The following PCDH15 variants were observed in gnomAD, a reference collection of about 807,000 sequenced individuals.
PCDH15 encodes protocadherin-15.
In PCDH15, 129 loss-of-function variants were observed where a neutral mutation model predicts 178.5. The ratio of observed to expected loss-of-function variants is 0.72; its 90% CI spans 0.63 to 0.84. PCDH15 has a LOEUF of 0.84. Among genes scored for constraint, PCDH15 ranks in the 40% least tolerant of loss-of-function variants. PCDH15 has a pLI of 0.00. For missense variants in PCDH15, 2,230 were observed against 2,099.9 expected (o/e 1.06, Z -1.21); for synonymous variants, 800 against 732.0 (o/e 1.09, Z -1.50).
chr10:55,265,626 T>C (rs1364577494), intron 1 of PCDH15, among the ~76,000 whole-genome samples: 1 of 152,112 alleles, frequency 6.6e-6, no homozygotes, highest in Non-Finnish European at 1.5e-5. Context: ...TTCAGGTGTT[T>C]ATAATGGAGG....
intron 2 of PCDH15, among the ~76,000 whole-genome samples, chr10:55,398,317 A>C (rs1402257245): frequency 2.0e-5 from 3 of 152,146 alleles, no homozygotes; most frequent in African/African-American, 7.2e-5. Flanking sequence ...TAAAGTATTC[A>C]ATTTCATCAT....
chr10:54,486,505 T>C (rs1394043860), intron 3 of PCDH15, among the ~76,000 whole-genome samples: 1 of 152,036 alleles, frequency 6.6e-6, no homozygotes, highest in Non-Finnish European at 1.5e-5. Flanking sequence ...TTAGATCTAT[T>C]AATTTCACAT....
At chr10:55,599,560 G>C (rs567169114) in intron 2 of PCDH15, 1 of 158,330 alleles carries the variant, frequency 6.3e-6, no homozygotes, top group East Asian at 1.8e-4. Flanking sequence ...TTCAGTAGAA[G>C]CAATAATGTT....
chr10:54,631,430 A>C (rs1190548586), intron 2 of PCDH15, among the ~76,000 whole-genome samples: 1 of 152,114 alleles, frequency 6.6e-6, no homozygotes, highest in Non-Finnish European at 1.5e-5. Flanking sequence ...GGCTGTGGAG[A>C]AAAGGGAATG....
chr10:54,034,057 C>A (rs2093361666), intron 18 of PCDH15, among the ~76,000 whole-genome samples: 2 of 151,808 alleles, frequency 1.3e-5, no homozygotes, highest in African/African-American at 4.8e-5. Context: ...AAGAATGTGA[C>A]AGCCAGATTG....
At chr10:53,930,355 G>C (rs1014740303) in intron 25 of PCDH15, among the ~76,000 whole-genome samples, 1 of 149,892 alleles carries the variant, frequency 6.7e-6, no homozygotes, top group Non-Finnish European at 1.5e-5. Context: ...CTACTCGGGA[G>C]GCTGAGGCAG....
intron 2 of PCDH15, among the ~76,000 whole-genome samples, chr10:55,519,460 A>G (rs2132161934): frequency 6.6e-6 from 1 of 152,062 alleles, no homozygotes; most frequent in African/African-American, 2.4e-5. Context: ...GGCAAGATAC[A>G]CGACCCCTGT....
chr10:55,582,489 C>T (rs1842633490), intron 2 of PCDH15, among the ~76,000 whole-genome samples: 1 of 150,944 alleles, frequency 6.6e-6, no homozygotes, highest in Non-Finnish European at 1.5e-5. Flanking sequence ...TGTGCCTTAC[C>T]TTGCATATGT....
At chr10:54,204,203 A>G (rs1281744250) in intron 10 of PCDH15, among the ~76,000 whole-genome samples, 1 of 152,126 alleles carries the variant, frequency 6.6e-6, no homozygotes, top group African/African-American at 2.4e-5. Context: ...CAGACAATTC[A>G]TTGCCATTGA....
At chr10:55,225,181 A>C (rs553318258) in intron 1 of PCDH15, among the ~76,000 whole-genome samples, 1 of 152,146 alleles carries the variant, frequency 6.6e-6, no homozygotes, top group African/African-American at 2.4e-5. Flanking sequence ...AACACTTAGT[A>C]ACAAAAGTAC....
At chr10:54,309,415 A>G (rs982532143) in intron 8 of PCDH15, among the ~76,000 whole-genome samples, 5 of 151,976 alleles carry the variant, frequency 3.3e-5, no homozygotes, top group African/African-American at 9.7e-5. Context: ...GACAAGAGCC[A>G]TGATTATTCA....
intron 10 of PCDH15, among the ~76,000 whole-genome samples, chr10:54,205,481 T>TGTGTGTGTG (rs2050698469): frequency 1.5e-5 from 2 of 135,088 alleles, no homozygotes; most frequent in African/African-American, 2.8e-5. Context: ...TATATTTCCT[T>TGTGTGTGTG]TGTGTGTGTG....
chr10:54,781,380 A>G (rs1162175994), intron 1 of PCDH15, among the ~76,000 whole-genome samples: 1 of 152,054 alleles, frequency 6.6e-6, no homozygotes, highest in Non-Finnish European at 1.5e-5. Context: ...GTACTCACAA[A>G]ATTTAATACA....
At position 54,414,035 on chromosome 10, in the gene PCDH15, C is replaced by T. The variant is rs114273436; in HGVS notation, c.158-35093G>A. ...AATCTCTCAGCCTCTCACTACTACA[C>T]AATATATACATATGACAAAACAACA... On this transcript the variant is annotated intron_variant, in intron 3 of 37. Transcript: ENST00000644397. 6.6e-3 allele frequency among the ~76,000 whole-genome samples: 1,005 copies of T among 152,190 alleles called. 9 individuals are homozygous for T. Among genetic ancestry groups the T allele is most frequent in the African/African-American group, 0.018 (759 of 41,538 alleles).
At chr10:55,365,687 C>T (rs1845338563) in intron 2 of PCDH15, among the ~76,000 whole-genome samples, 1 of 152,060 alleles carries the variant, frequency 6.6e-6, no homozygotes, top group Admixed American at 6.6e-5. Flanking sequence ...AGTTCCCCTG[C>T]ACAAGCTCTC....
At chr10:54,164,013 T>C (rs72797083) in intron 13 of PCDH15, among the ~76,000 whole-genome samples, 4,512 of 152,236 alleles carry the variant, frequency 0.03, 86 homozygotes, top group Middle Eastern at 0.082. Context: ...CATGGTACCT[T>C]TGGCGAAGTT....
intron 2 of PCDH15, among the ~76,000 whole-genome samples, chr10:54,960,071 T>C (rs1838603186): frequency 6.6e-6 from 1 of 152,146 alleles, no homozygotes; most frequent in South Asian, 2.1e-4. Flanking sequence ...CCTTTATTCT[T>C]CTTTTATTCT....
intron 2 of PCDH15, among the ~76,000 whole-genome samples, chr10:54,571,066 C>G (rs1257903897): frequency 6.6e-6 from 1 of 151,898 alleles, no homozygotes; most frequent in Non-Finnish European, 1.5e-5. Flanking sequence ...GAAATGAGAT[C>G]AAAGAACTGA....
At chr10:54,832,769 C>G (rs1009223848) in intron 3 of PCDH15, among the ~76,000 whole-genome samples, 2 of 152,048 alleles carry the variant, frequency 1.3e-5, no homozygotes, top group African/African-American at 4.8e-5. Flanking sequence ...TGACAAAAAA[C>G]ATTATCTCTG....
Sources: allele counts gnomAD v4.1 joint callset (sites outside exome capture counted in the v4.1 genomes callset), GRCh38; gene constraint gnomAD v4.1.1; transcripts MANE v1.5; gene names NCBI Gene and HGNC (gene_info 2026-07-23, HGNC 2026-07-21).